Variants in TMC7 observed in about 807,000 individuals in gnomAD.
The protein encoded by TMC7 is transmembrane channel-like protein 7.
In TMC7, 54 loss-of-function variants were observed where a neutral mutation model predicts 82.9. The observed-to-expected ratio is 0.65, with a 90% CI of 0.52 to 0.82. The LOEUF is 0.82. Among genes scored for constraint, TMC7 ranks in the 40% least tolerant of loss-of-function variants. TMC7 has a pLI of 0.00. For synonymous variants in TMC7, 350 were observed against 337.9 expected (o/e 1.04, Z -0.39); for missense variants, 820 against 901.2 (o/e 0.91, Z 1.15).
intron 14 of TMC7, among the ~76,000 whole-genome samples, chr16:19,058,889 T>C (rs1489591307): frequency 6.6e-6 from 1 of 151,792 alleles, no homozygotes; most frequent in Non-Finnish European, 1.5e-5. Flanking sequence ...TTTCTTTTCC[T>C]TTTTTTTAGA....
intron 14 of TMC7, 71 bp downstream of exon 14, chr16:19,056,768 C>T (rs1596800804): frequency 8.5e-6 from 13 of 1,532,730 alleles, no homozygotes; most frequent in East Asian, 2.3e-5. Flanking sequence ...GCGGTCGGGG[C>T]GGGGTCACCC....
intron 8 of TMC7, among the ~76,000 whole-genome samples, chr16:19,039,436 A>C (rs1321643435): frequency 6.6e-6 from 1 of 152,110 alleles, no homozygotes; most frequent in East Asian, 1.9e-4. Flanking sequence ...CACCATGGCC[A>C]CATTCTAGCC....
At chr16:19,029,683 ATT>A (rs1200039787) in intron 5 of TMC7, among the ~76,000 whole-genome samples, 15 of 133,810 alleles carry the variant, frequency 1.1e-4, no homozygotes, top group Non-Finnish European at 9.7e-5. Context: ...CCATCTGTGC[ATT>A]TTTTTTTTTT....
chr16:18,984,462 C>T lies in TMC7; in HGVS notation c.67+332C>T, dbSNP rs900644831. The T allele has an allele frequency of 1.3e-5, 15 of 1,128,718 alleles. 1 individual carries two copies. Among genetic ancestry groups the T allele is most frequent in the Admixed American group, 5.1e-5 (1 of 19,710 alleles). The allele number at this position is 1,128,718 out of a possible 1,614,324, so 69.9% of individuals were successfully genotyped here. ...GTTAAATGAAAGGATTTGAGCACCC[C>T]CTCCACGCCTAACATTCTGGTATGA... On this transcript the variant is annotated intron_variant, in intron 1 of 15. Coordinates refer to ENST00000304381, the MANE Select transcript of TMC7 (RefSeq NM_024847.4).
intron 1 of TMC7, among the ~76,000 whole-genome samples, chr16:19,005,202 C>T (rs1341906618): frequency 1.3e-5 from 2 of 151,984 alleles, no homozygotes; most frequent in East Asian, 3.9e-4. Flanking sequence ...CATTCTTCTG[C>T]TTCAGCCTCC....
At chr16:19,035,044 A>G (rs1012112071) in intron 6 of TMC7, among the ~76,000 whole-genome samples, 2 of 152,178 alleles carry the variant, frequency 1.3e-5, no homozygotes, top group Admixed American at 6.5e-5. Context: ...TCAATGGAGG[A>G]CTGGATAAAG....
In TMC7 at chr16:19,051,723, C is replaced by T. The variant is rs191596442; in HGVS notation, c.1778C>T (p.Pro593Leu). The change falls in exon 13 of 16, where the codon CCG (proline) becomes CTG (leucine). Residue 593 changes from proline to leucine, a missense_variant. Coordinates refer to ENST00000304381, the MANE Select transcript of TMC7 (RefSeq NM_024847.4). ...TACACCTGCAGACCCTCCCCCAGGC[C>T]GTTCAGAGCATCCAATTCTAATTTC... ...LLYTCRPSPR[P>L]FRASNSNFFF... 113 of 1,614,038 alleles carry T rather than the reference C, an allele frequency of 7.0e-5. No individual in the cohort carries two copies. In the East Asian group the frequency reaches 1.9e-3, roughly 28 times the overall value.
chr16:19,013,186 C>G (rs538054630), intron 2 of TMC7, among the ~76,000 whole-genome samples: 6 of 152,132 alleles, frequency 3.9e-5, no homozygotes, highest in Middle Eastern at 6.8e-3. Flanking sequence ...CCACTCCACC[C>G]TCTGAGGCAA....
At chr16:19,007,542 T>C (rs569743629) in intron 1 of TMC7, among the ~76,000 whole-genome samples, 147 of 152,222 alleles carry the variant, frequency 9.7e-4, no homozygotes, top group Non-Finnish European at 1.6e-3. Context: ...CTGGGGTGCT[T>C]TTCCCCAAAT....
At chr16:19,001,659 G>A (rs2039143112) in intron 1 of TMC7, among the ~76,000 whole-genome samples, 1 of 152,142 alleles carries the variant, frequency 6.6e-6, no homozygotes, top group Admixed American at 6.6e-5. Context: ...CTCCAGCCTG[G>A]GCAACAGAGC....
At chr16:19,032,522 G>A (rs1283855504) in intron 6 of TMC7, among the ~76,000 whole-genome samples, 9 of 148,492 alleles carry the variant, frequency 6.1e-5, no homozygotes. Flanking sequence ...AAGACAAAGA[G>A]TATGAAAATA....
At chr16:19,031,891 G>A (rs1596767544) in intron 6 of TMC7, among the ~76,000 whole-genome samples, 2 of 152,276 alleles carry the variant, frequency 1.3e-5, no homozygotes, top group East Asian at 3.9e-4. Context: ...GGTATTTATA[G>A]GCCAGACCTG....
At chr16:19,045,935 T>C (rs954690114) in intron 11 of TMC7, among the ~76,000 whole-genome samples, 1 of 152,032 alleles carries the variant, frequency 6.6e-6, no homozygotes, top group Non-Finnish European at 1.5e-5. Context: ...CTTGCTATGT[T>C]GCCCAGGCTG....
At chr16:19,047,806 C>A (rs529696707) in intron 12 of TMC7, among the ~76,000 whole-genome samples, 6 of 151,162 alleles carry the variant, frequency 4.0e-5, no homozygotes, top group East Asian at 1.9e-4. Context: ...TCTGCCCCCC[C>A]AGGTTCGAGC....
At chr16:19,009,506 T>C in intron 2 of TMC7, 91 bp downstream of exon 2, 1 of 1,472,484 alleles carries the variant, frequency 6.8e-7, no homozygotes, top group Non-Finnish European at 9.1e-7. Flanking sequence ...GAAGAGCTCA[T>C]ATAATTAAAA....
chr16:19,023,571 C>T lies in TMC7; in HGVS notation c.711+376C>T, dbSNP rs972877139. 5.3e-5 allele frequency among the ~76,000 whole-genome samples: 8 copies of T among 152,230 alleles called. 1 individual carries two copies. The highest frequency in any genetic ancestry group is 4.1e-4 in the South Asian group (2 of 4,822). ...AAGTGATTCTCCTGCCTCAGCCTCTCGAGTAGCTGGAATTACACGTGTGTG... is the reference window on the plus strand; with the variant it reads ...AAGTGATTCTCCTGCCTCAGCCTCTTGAGTAGCTGGAATTACACGTGTGTG... On this transcript the variant is annotated intron_variant, in intron 5 of 15. Transcript: ENST00000304381.
intron 6 of TMC7, among the ~76,000 whole-genome samples, chr16:19,031,566 G>A (rs539907683): frequency 6.6e-6 from 1 of 152,300 alleles, no homozygotes; most frequent in Non-Finnish European, 1.5e-5. Context: ...AGCTGCTTGG[G>A]AGGAGGAGAC....
intron 5 of TMC7, among the ~76,000 whole-genome samples, chr16:19,029,626 C>T (rs997373000): frequency 2.6e-5 from 4 of 151,520 alleles, no homozygotes; most frequent in African/African-American, 7.3e-5. Context: ...CCTCCTGCCT[C>T]GGCCTTCCAA....
Position 18,989,900 on chromosome 16 carries a change from C to T in TMC7, c.67+5770C>T, listed in dbSNP as rs576630803. 3.3e-5 allele frequency among the ~76,000 whole-genome samples: 5 copies of T among 151,912 alleles called. No homozygotes were observed. In the East Asian group the frequency reaches 9.7e-4, roughly 29 times the overall value. On this transcript the variant is annotated intron_variant, in intron 1 of 15. Transcript: ENST00000304381. ...TGCAGTCGTGTGTTTCATGCGCGTC[C>T]ATGTGAAGAGACCACCAAACAGGCT...
Sources: gnomAD v4.1 joint callset for allele counts (sites outside exome capture counted in the v4.1 genomes callset) on GRCh38, gnomAD v4.1.1 for gene constraint, MANE v1.5 for transcripts, NCBI Gene and HGNC (gene_info 2026-07-23, HGNC 2026-07-21) for gene names.